Variants in SUGCT observed in about 807,000 individuals in gnomAD.
The protein encoded by SUGCT is succinyl-CoA:glutarate CoA-transferase.
SUGCT carries 41 observed loss-of-function variants against 55.0 expected under a neutral mutation model. The ratio of observed to expected loss-of-function variants is 0.74; its 90% CI spans 0.58 to 0.97. SUGCT has a LOEUF of 0.97. Among genes scored for constraint, SUGCT ranks in the 50% least tolerant of loss-of-function variants. The pLI, the probability that SUGCT is intolerant of heterozygous loss-of-function variation, is 0.00. For synonymous variants in SUGCT, 187 were observed against 200.4 expected (o/e 0.93, Z 0.56); for missense variants, 568 against 547.8 (o/e 1.04, Z -0.37).
At chr7:40,510,542 C>T (rs892533857) in intron 12 of SUGCT, among the ~76,000 whole-genome samples, 7 of 152,054 alleles carry the variant, frequency 4.6e-5, no homozygotes, top group African/African-American at 1.7e-4. Flanking sequence ...ATAATCTGTC[C>T]CATACTTTAC....
intron 1 of SUGCT, chr7:40,153,482 T>C (rs1584196541): frequency 2.8e-6 from 1 of 357,768 alleles, no homozygotes; most frequent in East Asian, 7.4e-5. Context: ...CTAAAGCGAG[T>C]CTCCACTGAA....
At chr7:40,665,923 A>G (rs1425828016) in intron 12 of SUGCT, among the ~76,000 whole-genome samples, 1 of 152,192 alleles carries the variant, frequency 6.6e-6, no homozygotes, top group Non-Finnish European at 1.5e-5. Flanking sequence ...ATACTTATAT[A>G]TAATGGTATA....
At chr7:40,717,154 A>T (rs919916886) in intron 12 of SUGCT, among the ~76,000 whole-genome samples, 3 of 152,232 alleles carry the variant, frequency 2.0e-5, no homozygotes, top group African/African-American at 7.2e-5. Context: ...TCAAGAATAC[A>T]TAGAAAGATT....
intron 8 of SUGCT, among the ~76,000 whole-genome samples, chr7:40,288,803 A>G (rs182006634): frequency 1.3e-5 from 2 of 152,246 alleles, no homozygotes; most frequent in African/African-American, 4.8e-5. Flanking sequence ...CTTTTTTCTT[A>G]TATGATGTCC....
chr7:40,566,145 GTTC>G (rs1796137448), intron 12 of SUGCT, among the ~76,000 whole-genome samples: 1 of 152,058 alleles, frequency 6.6e-6, no homozygotes, highest in Non-Finnish European at 1.5e-5. Flanking sequence ...TTAATCTTGA[GTTC>G]TTATCTTCTC....
chr7:41,023,282 A>G, the SUGCT span, among the ~76,000 whole-genome samples: 1 of 152,164 alleles, frequency 6.6e-6, no homozygotes, highest in Non-Finnish European at 1.5e-5. Flanking sequence ...GTTTATTACC[A>G]CAGCAGAGCA....
At chr7:40,518,739 A>G (rs1424517329) in intron 12 of SUGCT, among the ~76,000 whole-genome samples, 1 of 152,012 alleles carries the variant, frequency 6.6e-6, no homozygotes, top group East Asian at 1.9e-4. Flanking sequence ...CATCTAAAAT[A>G]TGTCTGAAAG....
intron 1 of SUGCT, among the ~76,000 whole-genome samples, chr7:40,179,472 T>C (rs1211956435): frequency 6.6e-6 from 1 of 152,104 alleles, no homozygotes; most frequent in South Asian, 2.1e-4. Flanking sequence ...TTTGCATTTT[T>C]AGTGGAGACA....
intron 11 of SUGCT, among the ~76,000 whole-genome samples, chr7:40,481,305 T>G (rs898485346): frequency 1.3e-5 from 2 of 151,960 alleles, no homozygotes; most frequent in African/African-American, 2.4e-5. Flanking sequence ...ACAATTGCGC[T>G]GCAGCCTAGG....
chr7:40,885,127 G>A, the SUGCT span, among the ~76,000 whole-genome samples: 1 of 152,150 alleles, frequency 6.6e-6, no homozygotes, highest in Non-Finnish European at 1.5e-5. Context: ...AGTGGTAGTT[G>A]GAATAGTGGC....
chr7:40,669,316 C>T (rs1046537478), intron 12 of SUGCT, among the ~76,000 whole-genome samples: 4 of 109,326 alleles, frequency 3.7e-5, no homozygotes, highest in African/African-American at 1.4e-4. Context: ...TCCAGAGTCA[C>T]ATAACATAAT....
chr7:40,899,974 T>G, the SUGCT span, among the ~76,000 whole-genome samples: 2 of 152,136 alleles, frequency 1.3e-5, no homozygotes, highest in African/African-American at 4.8e-5. Flanking sequence ...TGCGGTGGGC[T>G]GGGGGGTAGT....
chr7:40,625,084 T>G (rs903432041), intron 12 of SUGCT, among the ~76,000 whole-genome samples: 1 of 152,024 alleles, frequency 6.6e-6, no homozygotes, highest in Non-Finnish European at 1.5e-5. Context: ...AATCCCCCAT[T>G]TCATATCTCC....
At chr7:40,297,182 T>C (rs1021080119) in intron 8 of SUGCT, among the ~76,000 whole-genome samples, 1 of 152,184 alleles carries the variant, frequency 6.6e-6, no homozygotes, top group Non-Finnish European at 1.5e-5. Context: ...GTTCACCTTA[T>C]TACTACATTC....
intron 12 of SUGCT, among the ~76,000 whole-genome samples, chr7:40,749,218 C>T (rs988092629): frequency 5.3e-5 from 8 of 152,014 alleles, no homozygotes; most frequent in Admixed American, 1.3e-4. Context: ...TTTTCTAGTC[C>T]GTGAATCCTC....
intron 13 of SUGCT, among the ~76,000 whole-genome samples, chr7:40,800,675 A>T (rs150732219): frequency 6.6e-6 from 1 of 152,152 alleles, no homozygotes; most frequent in Non-Finnish European, 1.5e-5. Context: ...CACTTACTGT[A>T]GACTCAAGTT....
At chr7:40,804,223 C>T (rs1357046842) in intron 13 of SUGCT, among the ~76,000 whole-genome samples, 1 of 152,100 alleles carries the variant, frequency 6.6e-6, no homozygotes, top group African/African-American at 2.4e-5. Flanking sequence ...GGGCATAAAA[C>T]TAAGAGAAGA....
intron 10 of SUGCT, among the ~76,000 whole-genome samples, chr7:40,452,759 A>T (rs1314242830): frequency 6.6e-6 from 1 of 152,196 alleles, no homozygotes; most frequent in Non-Finnish European, 1.5e-5. Context: ...TGCACTTAAT[A>T]AATGACATCT....
chr7:40,770,867 G>A (rs1366144622), intron 13 of SUGCT, among the ~76,000 whole-genome samples: 1 of 152,088 alleles, frequency 6.6e-6, no homozygotes, highest in East Asian at 1.9e-4. Flanking sequence ...TGTGTCAAAT[G>A]CCTTTATAAC....
Sources: gnomAD v4.1 joint callset for allele counts (sites outside exome capture counted in the v4.1 genomes callset) on GRCh38, gnomAD v4.1.1 for gene constraint, MANE v1.5 for transcripts, NCBI Gene and HGNC (gene_info 2026-07-23, HGNC 2026-07-21) for gene names.